The following ATP6V1H variants were observed in gnomAD, a reference collection of about 807,000 sequenced individuals.
ATP6V1H encodes the protein V-type proton ATPase subunit H.
A neutral mutation model predicts 71.7 loss-of-function variants in ATP6V1H; 39 were observed. The ratio of observed to expected loss-of-function variants is 0.54; its 90% confidence interval spans 0.42 to 0.71. The LOEUF is 0.71. Ranked by LOEUF, ATP6V1H falls within the 30% of genes least tolerant of loss-of-function variation. ATP6V1H has a pLI of 0.00. For synonymous variants in ATP6V1H, 192 were observed against 199.3 expected, an observed-to-expected ratio of 0.96 and a Z score of 0.31; for missense variants, 509 against 594.9, an observed-to-expected ratio of 0.86 and a Z score of 1.50.
rs555120189 is a variant in ATP6V1H at position 53,810,045 on chromosome 8, T to C, written c.579+1119A>G. Among the ~76,000 whole-genome samples the C allele has an allele frequency of 2.6e-5, 4 of 152,294 alleles. No homozygotes were observed. In the South Asian group the frequency reaches 8.3e-4, roughly 32 times the overall value. ...GCCATCTATGGTCTTGGAACATACA[T>C]ACCCGTGACATTCATTCAGATTATG... On this transcript the variant is annotated intron_variant, in intron 7 of 13. Transcript: ENST00000359530.
rs761714701 is a variant in ATP6V1H at position 53,811,181 on chromosome 8, T to C, written c.562A>G (p.Thr188Ala). ...RGSGVAVETG[T>A]VSSSDSSQYV... ...ATACTTACATCACTTGAAGAGACTGTTCCTGTTTCAACAGCAACACCGCTA... is the reference window on the plus strand; with the variant it reads ...ATACTTACATCACTTGAAGAGACTGCTCCTGTTTCAACAGCAACACCGCTA... The change falls in exon 7 of 14, where the codon ACA becomes GCA. Residue 188 changes from threonine to alanine, a missense_variant. This residue lies in a region of ATP6V1H where 297 missense variants were observed against 303.3 expected (regional missense o/e 0.98). Coordinates refer to ENST00000359530, the MANE Select transcript of ATP6V1H (RefSeq NM_015941.4). The C allele has an allele frequency of 1.1e-5, 18 of 1,613,258 alleles. No individual in the cohort carries two copies. The highest frequency in any genetic ancestry group is 1.5e-5 in the Non-Finnish European group (18 of 1,179,512).
chr8:53,755,720 ATATATATATATATATATAT>A (rs1808015735), intron 12 of ATP6V1H, among the ~76,000 whole-genome samples: 1 of 5,412 alleles, frequency 1.8e-4, no homozygotes, highest in African/African-American at 1.0e-3. Context: ...ATATATATAT[ATATATATATATATATATAT>A]ATATATTTTT....
At chr8:53,833,206 G>T in intron 2 of ATP6V1H, 120 bp from the exon 3 acceptor site, 1 of 690,914 alleles carries the variant, frequency 1.4e-6, no homozygotes, top group Admixed American at 2.5e-5. Context: ...TGACGCAAGG[G>T]CCCTGGCATC....
chr8:53,799,536 T>C (rs1809844251), intron 8 of ATP6V1H, among the ~76,000 whole-genome samples: 1 of 152,192 alleles, frequency 6.6e-6, no homozygotes, highest in South Asian at 2.1e-4. Context: ...GCTTACAAGG[T>C]TGGCCTTTGG....
chr8:53,803,797 G>A (rs1809992371), intron 7 of ATP6V1H, among the ~76,000 whole-genome samples: 1 of 151,922 alleles, frequency 6.6e-6, no homozygotes, highest in Non-Finnish European at 1.5e-5. Flanking sequence ...TTCCAATTAA[G>A]TCATCAGGTA....
intron 9 of ATP6V1H, among the ~76,000 whole-genome samples, chr8:53,783,459 C>T (rs199665455): frequency 6.6e-6 from 1 of 151,872 alleles, no homozygotes; most frequent in Non-Finnish European, 1.5e-5. Context: ...CTTGCTAGTG[C>T]TCTATCAATT....
chr8:53,755,524 G>A (rs1450955466), intron 12 of ATP6V1H, among the ~76,000 whole-genome samples: 2 of 148,012 alleles, frequency 1.4e-5, no homozygotes, highest in Admixed American at 6.8e-5. Context: ...TGGGAGTGGC[G>A]ATTCTTTTCC....
At chr8:53,795,279 A>G (rs1408845927) in intron 9 of ATP6V1H, among the ~76,000 whole-genome samples, 3 of 152,198 alleles carry the variant, frequency 2.0e-5, no homozygotes, top group Non-Finnish European at 2.9e-5. Context: ...TCCAGTCAGT[A>G]GATCCAGAAC....
intron 13 of ATP6V1H, among the ~76,000 whole-genome samples, chr8:53,720,080 A>C (rs1384582067): frequency 8.5e-5 from 13 of 152,358 alleles, no homozygotes. Flanking sequence ...CAATACATGA[A>C]GATCAATACA....
chr8:53,769,560 G>A (rs1808583491), intron 11 of ATP6V1H, 58 bp downstream of exon 11: 18 of 1,503,644 alleles, frequency 1.2e-5, no homozygotes, highest in African/African-American at 1.4e-5. Context: ...AAAAACGAGT[G>A]TTGGTGAGGA....
At chr8:53,782,823 T>C (rs1303458024) in intron 9 of ATP6V1H, among the ~76,000 whole-genome samples, 9 of 152,266 alleles carry the variant, frequency 5.9e-5, no homozygotes, top group African/African-American at 2.2e-4. Flanking sequence ...TCTTTGGTTC[T>C]GTTTATATGC....
chr8:53,806,913 A>G (rs1810094176), intron 7 of ATP6V1H: 4 of 449,218 alleles, frequency 8.9e-6, no homozygotes, highest in African/African-American at 2.0e-5. Flanking sequence ...ATTTCTACCA[A>G]ATGTATATGC....
At chr8:53,830,859 C>T (rs1427734413) in intron 3 of ATP6V1H, among the ~76,000 whole-genome samples, 1 of 152,174 alleles carries the variant, frequency 6.6e-6, no homozygotes, top group African/African-American at 2.4e-5. Flanking sequence ...TGTGTATGTG[C>T]TGAAAAAACA....
chr8:53,813,001 G>T (rs1002457354), intron 6 of ATP6V1H, among the ~76,000 whole-genome samples: 2 of 152,150 alleles, frequency 1.3e-5, no homozygotes, highest in Non-Finnish European at 2.9e-5. Context: ...GGCCTGGAAT[G>T]AAGTTTATTT....
At chr8:53,783,479 T>C (rs1308532651) in intron 9 of ATP6V1H, among the ~76,000 whole-genome samples, 3 of 152,214 alleles carry the variant, frequency 2.0e-5, no homozygotes, top group Admixed American at 1.3e-4. Context: ...TTGTTGATCT[T>C]TTCAAAAAGC....
At chr8:53,720,331 C>T (rs188082140) in intron 13 of ATP6V1H, among the ~76,000 whole-genome samples, 196 of 152,306 alleles carry the variant, frequency 1.3e-3, no homozygotes, top group Non-Finnish European at 2.4e-3. Flanking sequence ...ACATAAACGG[C>T]TCACAAAAGA....
chr8:53,785,659 C>A (rs1393546590), intron 9 of ATP6V1H, among the ~76,000 whole-genome samples: 2 of 152,164 alleles, frequency 1.3e-5, no homozygotes, highest in Non-Finnish European at 2.9e-5. Flanking sequence ...TTTTCCCCAT[C>A]TTTGTGGTTT....
At chr8:53,797,476 A>G (rs1266305480) in intron 8 of ATP6V1H, among the ~76,000 whole-genome samples, 2 of 152,184 alleles carry the variant, frequency 1.3e-5, no homozygotes, top group African/African-American at 2.4e-5. Context: ...TTCCAAATCC[A>G]TGAGGCTTTT....
At chr8:53,790,095 A>G (rs1175778931) in intron 9 of ATP6V1H, among the ~76,000 whole-genome samples, 1 of 152,258 alleles carries the variant, frequency 6.6e-6, no homozygotes, top group East Asian at 1.9e-4. Context: ...TCCATGTGCT[A>G]ACAGAAAACA....
Sources: gnomAD v4.1 joint callset for allele counts (sites outside exome capture counted in the v4.1 genomes callset) on GRCh38, gnomAD v4.1.1 for gene constraint, gnomAD v4.1.1 regional missense constraint, MANE v1.5 for transcripts, NCBI Gene and HGNC (gene_info 2026-07-23, HGNC 2026-07-21) for gene names.